ARHGAP8: variants seen among roughly 807,000 people sequenced by gnomAD.
ARHGAP8 encodes the protein rho GTPase-activating protein 8.
Under a neutral mutation model 46.1 loss-of-function variants are expected in ARHGAP8, and 62 were observed. The ratio of observed to expected loss-of-function variants is 1.34; its 90% CI spans 1.10 to 1.66. The LOEUF (loss-of-function observed/expected upper bound fraction) is 1.66, where lower values mean the gene tolerates loss of function less well. Ranked by LOEUF, ARHGAP8 falls within the 40% of genes most tolerant of loss-of-function variation. The pLI is 0.00. For synonymous variants in ARHGAP8, 375 were observed against 243.1 expected, an observed-to-expected ratio of 1.54 and a Z score of -5.05; for missense variants, 923 against 568.4, an observed-to-expected ratio of 1.62 and a Z score of -6.34.
intron 10 of ARHGAP8, among the ~76,000 whole-genome samples, chr22:44,851,916 T>C (rs5766107): frequency 0.68 from 102,614 of 151,594 alleles, 35,649 homozygotes; most frequent in African/African-American, 0.84. Flanking sequence ...ATGGGCCGGG[T>C]GCAGTGGCTC....
chr22:44,797,503 A>G (rs565829999), intron 2 of ARHGAP8, among the ~76,000 whole-genome samples: 5 of 152,308 alleles, frequency 3.3e-5, no homozygotes, highest in Admixed American at 6.5e-5. Context: ...GAAGCAAATA[A>G]AAGTGTGGCT....
At chr22:44,801,902 G>A (rs892246159) in intron 2 of ARHGAP8, 175 bp from the exon 3 acceptor site, 24 of 634,498 alleles carry the variant, frequency 3.8e-5, no homozygotes, top group Non-Finnish European at 5.2e-5. Flanking sequence ...CTTGGACCAC[G>A]TGCATAAAGC....
intron 10 of ARHGAP8, chr22:44,849,405 C>T (rs1397614874): frequency 1.3e-5 from 4 of 308,608 alleles, no homozygotes; most frequent in African/African-American, 8.7e-5. Flanking sequence ...AGGCCCCAGA[C>T]CCTCAGCTCT....
chr22:44,817,760 T>A (rs1227158595), intron 5 of ARHGAP8, among the ~76,000 whole-genome samples: 2 of 151,960 alleles, frequency 1.3e-5, no homozygotes, highest in Non-Finnish European at 2.9e-5. Flanking sequence ...TGAGTCAAGA[T>A]TGCACCATTG....
intron 4 of ARHGAP8, 52 bp from the exon 5 acceptor site, chr22:44,814,620 G>A (rs1457488575): frequency 3.9e-6 from 6 of 1,537,756 alleles, no homozygotes; most frequent in African/African-American, 1.4e-5. Context: ...TTGGGCGTGG[G>A]GTGTTTCTCG....
chr22:44,769,033 C>G (rs1424363226), intron 1 of ARHGAP8, among the ~76,000 whole-genome samples: 2 of 152,082 alleles, frequency 1.3e-5, no homozygotes, highest in African/African-American at 4.8e-5. Context: ...TGGGGTTTCA[C>G]CATGTTGGCC....
chr22:44,797,757 T>C lies in ARHGAP8; in HGVS notation c.80-4320T>C, dbSNP rs1037426404. Among the ~76,000 whole-genome samples the C allele has an allele frequency of 3.9e-5, 6 of 152,074 alleles. No homozygotes were observed. In the South Asian group the frequency reaches 6.2e-4, roughly 16 times the overall value. On this transcript the variant is annotated intron_variant, in intron 2 of 11. Transcript: ENST00000356099. ...AAAGAGTTCACACACTGTGCGCGCG[T>C]GTGTGTGCGCTCATGCCAGTGTGCA...
At chr22:44,770,885 G>T (rs1258536394) in intron 1 of ARHGAP8, among the ~76,000 whole-genome samples, 2 of 152,164 alleles carry the variant, frequency 1.3e-5, no homozygotes, top group Non-Finnish European at 2.9e-5. Context: ...TTAGTTTTGG[G>T]AAGGGCTATT....
intron 4 of ARHGAP8, among the ~76,000 whole-genome samples, chr22:44,812,574 C>A (rs952762906): frequency 2.0e-5 from 3 of 151,918 alleles, no homozygotes; most frequent in African/African-American, 7.3e-5. Context: ...CCAGGATGGT[C>A]TCCATCTCTT....
In ARHGAP8 at chr22:44,862,452, C is replaced by A. The variant is rs756233338; in HGVS notation, c.1159C>A (p.Pro387Thr). 1 of 1,613,966 alleles carries A rather than the reference C, an allele frequency of 6.2e-7. No homozygotes were observed. Among genetic ancestry groups the A allele is most frequent in the Non-Finnish European group, 8.5e-7 (1 of 1,180,014 alleles). Reference sequence around the variant, plus strand: ...AAAGATCTTCAGCACCCCGGAGGCACCTGGGGAGCACGGCCTGGCACCATG... The same window carrying A: ...AAAGATCTTCAGCACCCCGGAGGCAACTGGGGAGCACGGCCTGGCACCATG... ...YEKIFSTPEA[P>T]GEHGLAPWEQ... Residue 387 changes from proline to threonine, a missense_variant, in exon 12 of 12, where the codon CCT becomes ACT. By Grantham distance (38) the Pro-to-Thr change is conservative. Transcript: ENST00000356099.
chr22:44,781,550 T>C (rs947709323), intron 1 of ARHGAP8, among the ~76,000 whole-genome samples: 1 of 152,140 alleles, frequency 6.6e-6, no homozygotes, highest in Non-Finnish European at 1.5e-5. Flanking sequence ...TGAGACAGAG[T>C]TTCACTCTTG....
chr22:44,827,336 G>GTGTTTTT (rs1930594976), intron 7 of ARHGAP8, among the ~76,000 whole-genome samples: 1 of 67,268 alleles, frequency 1.5e-5, no homozygotes, highest in Non-Finnish European at 2.6e-5. Flanking sequence ...TTGGGTGGTG[G>GTGTTTTT]TTTTTTTTTT....
chr22:44,834,503 G>A (rs948590556), intron 7 of ARHGAP8, among the ~76,000 whole-genome samples: 2 of 152,032 alleles, frequency 1.3e-5, no homozygotes, highest in Non-Finnish European at 2.9e-5. Context: ...CAGATGTATG[G>A]AGGCTTGTTA....
chr22:44,767,090 A>G (rs1205074537), intron 1 of ARHGAP8, among the ~76,000 whole-genome samples: 3 of 152,224 alleles, frequency 2.0e-5, no homozygotes, highest in Non-Finnish European at 1.5e-5. Flanking sequence ...GTGACCTTGA[A>G]TAAGTGTCTG....
At chr22:44,802,458 A>G (rs781760854) in intron 3 of ARHGAP8, among the ~76,000 whole-genome samples, 7 of 152,146 alleles carry the variant, frequency 4.6e-5, no homozygotes, top group Non-Finnish European at 8.8e-5. Flanking sequence ...CCCTGGTCCT[A>G]GGTGTAGGCG....
intron 2 of ARHGAP8, among the ~76,000 whole-genome samples, chr22:44,795,367 C>T (rs957903545): frequency 2.4e-4 from 36 of 152,092 alleles, no homozygotes; most frequent in African/African-American, 7.5e-4. Flanking sequence ...TGGAGGGGGC[C>T]CATGGCGTGG....
At chr22:44,809,451 G>T (rs935368095) in intron 4 of ARHGAP8, 8 of 350,190 alleles carry the variant, frequency 2.3e-5, no homozygotes, top group Non-Finnish European at 3.9e-5. Flanking sequence ...GCCTCTTCTT[G>T]CTTTCACAGC....
intron 2 of ARHGAP8, among the ~76,000 whole-genome samples, chr22:44,800,490 A>G (rs980166198): frequency 4.6e-5 from 7 of 151,928 alleles, no homozygotes; most frequent in African/African-American, 1.7e-4. Flanking sequence ...CCCAGCTCTC[A>G]AGGGGTACCC....
intron 1 of ARHGAP8, among the ~76,000 whole-genome samples, chr22:44,759,137 G>A (rs1043731752): frequency 6.6e-6 from 1 of 152,194 alleles, no homozygotes; most frequent in Non-Finnish European, 1.5e-5. Flanking sequence ...CTTGGATCCC[G>A]GGGTCTGTCC....
Sources: gnomAD v4.1 joint callset for allele counts (sites outside exome capture counted in the v4.1 genomes callset) on GRCh38, gnomAD v4.1.1 for gene constraint, MANE v1.5 for transcripts, NCBI Gene and HGNC (gene_info 2026-07-23, HGNC 2026-07-21) for gene names.